Variants in DDX23 observed in about 807,000 individuals in gnomAD.
DDX23 encodes the protein probable ATP-dependent RNA helicase DDX23.
A neutral mutation model predicts 102.7 loss-of-function variants in DDX23; 33 were observed. The observed-to-expected ratio is 0.32, with a 90% confidence interval of 0.24 to 0.43. The LOEUF is 0.43. Among genes scored for constraint, DDX23 ranks in the 20% least tolerant of loss-of-function variants. The pLI is 1.00. For missense variants in DDX23, 549 were observed against 1,086.6 expected, an observed-to-expected ratio of 0.51 and a Z score of 6.96; for synonymous variants, 352 against 376.0, an observed-to-expected ratio of 0.94 and a Z score of 0.74.
Position 48,839,885 on chromosome 12 carries a change from G to C in DDX23, c.439C>G (p.Leu147Val). 1 of 1,614,206 alleles carries C rather than the reference G, an allele frequency of 6.2e-7. No homozygotes were observed. Among genetic ancestry groups the C allele is most frequent in the Non-Finnish European group, 8.5e-7 (1 of 1,180,032 alleles). The change falls in exon 5 of 17, where the codon CTT (leucine) becomes GTT (valine). Residue 147 changes from leucine to valine, a missense_variant. This residue lies in a region of DDX23 where 241 missense variants were observed against 267.0 expected (regional missense o/e 0.90). Transcript: ENST00000308025. ...PKAQPLSLEE[L>V]LAKKKAEEEA... ...TCCTCAGCCTTTTTCTTGGCCAGAA[G>C]CTCCTCCAGGGATAATGGCTGGGCC...
intron 11 of DDX23, among the ~76,000 whole-genome samples, chr12:48,835,566 C>T (rs1438044795): frequency 6.6e-6 from 1 of 151,972 alleles, no homozygotes; most frequent in Middle Eastern, 3.4e-3. Context: ...AAAAATTAGC[C>T]GGGCATGGTG....
At chr12:48,849,454 G>C (rs1938723124) in intron 1 of DDX23, among the ~76,000 whole-genome samples, 1 of 151,952 alleles carries the variant, frequency 6.6e-6, no homozygotes, top group African/African-American at 2.4e-5. Context: ...ATGAGGTCAG[G>C]AGTTCGAGAC....
At position 48,830,311 on chromosome 12, in the gene DDX23, A is replaced by G. The variant is rs2137478816; in HGVS notation, c.*158T>C. 1.1e-6 allele frequency: 1 copy of G among 889,844 alleles called. No individual in the cohort carries two copies. Among genetic ancestry groups the G allele is most frequent in the Non-Finnish European group, 1.8e-6 (1 of 550,542 alleles). The allele number at this position is 889,844 out of a possible 1,614,324, so 55.1% of individuals were successfully genotyped here. On this transcript the variant is annotated 3_prime_UTR_variant, in exon 17 of 17. Coordinates refer to ENST00000308025, the MANE Select transcript of DDX23 (RefSeq NM_004818.3). The surrounding 1 kb of genome is among the most constrained non-coding windows in gnomAD (Gnocchi z 4.9). Reference sequence around the variant, plus strand: ...CCTCTCCTTTTGCAGCCCCACACGCAGGCCTCCTGACCTGAGGGTCTGGGC... The same window carrying G: ...CCTCTCCTTTTGCAGCCCCACACGCGGGCCTCCTGACCTGAGGGTCTGGGC...
intron 1 of DDX23, among the ~76,000 whole-genome samples, chr12:48,848,622 TCACG>T (rs1938708317): frequency 6.6e-6 from 1 of 152,168 alleles, no homozygotes; most frequent in Non-Finnish European, 1.5e-5. Context: ...TCTCACCCTC[TCACG>T]CAAGATGGAG....
intron 3 of DDX23, among the ~76,000 whole-genome samples, chr12:48,842,504 G>T (rs1276301917): frequency 7.1e-6 from 1 of 141,678 alleles, no homozygotes; most frequent in African/African-American, 2.7e-5. Context: ...AGGTGGGGGG[G>T]TCAGCCCCCC....
At position 48,837,057 on chromosome 12, in the gene DDX23, A is replaced by T. The variant is rs767759190; in HGVS notation, c.867-20T>A. ...TTGTACCTGGGATTGAGATAGAGGAAAAGAAAAAAGAAGGAGCTGTTAACG... is the reference window on the plus strand; with the variant it reads ...TTGTACCTGGGATTGAGATAGAGGATAAGAAAAAAGAAGGAGCTGTTAACG... On this transcript the variant is annotated intron_variant, in intron 8 of 16. Coordinates refer to ENST00000308025, the MANE Select transcript of DDX23 (RefSeq NM_004818.3). 12 of 1,613,202 alleles carry T rather than the reference A, an allele frequency of 7.4e-6. No homozygotes were observed. The highest frequency in any genetic ancestry group is 1.0e-5 in the Non-Finnish European group (12 of 1,179,822).
rs1466297873 is a variant in DDX23, at chr12:48,840,067, C to T, written c.360G>A (p.Lys120=). ...PGRGKDFKSR[K]DRDSKKDEED... The stretch of plus-strand genomic sequence containing the variant: ...CTTCATCCTTCTTAGAGTCTCTGTC[C>T]TTCCGAGATTTAAAGTCTTTTCCTC... The change falls in exon 4 of 17, where the codon AAG becomes AAA. Residue 120 remains lysine (K), a synonymous_variant. Coordinates refer to ENST00000308025, the MANE Select transcript of DDX23 (RefSeq NM_004818.3). 1.9e-6 allele frequency: 3 copies of T among 1,614,140 alleles called. No individual in the cohort carries two copies. In the African/African-American group the frequency reaches 4.0e-5, roughly 22 times the overall value.
In DDX23 at chr12:48,845,730, T is replaced by C. The variant is rs761435008; in HGVS notation, c.53A>G (p.Glu18Gly). The change falls in exon 2 of 17, where the codon GAG becomes GGG. Residue 18 changes from glutamate to glycine, a missense_variant. Glu to Gly is a moderately conservative substitution (Grantham distance 98, BLOSUM62 -2). Around this residue, in one of 4 missense-constraint regions of DDX23, gnomAD observed 241 missense variants for 267.0 expected, o/e 0.90. Coordinates refer to ENST00000308025, the MANE Select transcript of DDX23 (RefSeq NM_004818.3). ...KKDRDASPSK[E>G]ERKRSRTPDR... ...AGGAGTCCGTGATCGCTTCCTTTCC[T>C]CCTTGGAAGGTGATGCATCACGGTC... 1.5e-5 allele frequency: 25 copies of C among 1,614,194 alleles called. 2 individuals are homozygous for C. In the South Asian group the frequency reaches 2.7e-4, roughly 18 times the overall value.
At chr12:48,839,783 C>T in intron 5 of DDX23, 61 bp downstream of exon 5, 1 of 1,548,094 alleles carries the variant, frequency 6.5e-7, no homozygotes, top group South Asian at 1.1e-5. Context: ...TGAAGTCACC[C>T]AGTCTGTGGT....
chr12:48,839,764 TTC>T, intron 5 of DDX23, 78 bp downstream of exon 5: 1 of 1,433,342 alleles, frequency 7.0e-7, no homozygotes, highest in Non-Finnish European at 9.7e-7. Flanking sequence ...GAAAATTAAC[TTC>T]TGTCGTTGAA....
At chr12:48,842,062 C>T (rs1283683189) in intron 3 of DDX23, among the ~76,000 whole-genome samples, 3 of 151,128 alleles carry the variant, frequency 2.0e-5, no homozygotes, top group Non-Finnish European at 4.4e-5. Flanking sequence ...GGAGCCCCTC[C>T]GCCCGGCAGC....
intron 5 of DDX23, among the ~76,000 whole-genome samples, chr12:48,838,642 G>A (rs1466499067): frequency 6.6e-6 from 1 of 151,592 alleles, no homozygotes; most frequent in African/African-American, 2.4e-5. Flanking sequence ...ACGAGGTCAG[G>A]AGTTCAAGAC....
chr12:48,831,091 A>G lies in DDX23; in HGVS notation c.2239+51T>C, dbSNP rs74498836. 4.8e-3 allele frequency: 7,743 copies of G among 1,604,586 alleles called. 317 individuals carry two copies. The African/African-American group carries it at 0.09, about 19-fold the overall frequency. ...GCACCCTGACTTCCAGTGGGACACC[A>G]TAAGGAATCTGACTTCACCCTGGAT... On this transcript the variant is annotated intron_variant, in intron 16 of 16. Transcript: ENST00000308025.
chr12:48,842,818 C>T (rs1938590752), intron 3 of DDX23, among the ~76,000 whole-genome samples: 2 of 152,198 alleles, frequency 1.3e-5, no homozygotes, highest in African/African-American at 2.4e-5. Flanking sequence ...TCATTGAGAA[C>T]GGACCATGAT....
At position 48,837,704 on chromosome 12, in the gene DDX23, AGAG is replaced by A. The variant is rs772650711; in HGVS notation, c.620-50_620-48del. The A allele has an allele frequency of 1.9e-6, 3 of 1,609,976 alleles. No homozygotes were observed. In the South Asian group the frequency reaches 3.3e-5, roughly 18 times the overall value. Reference sequence around the variant, plus strand: ...GCTGCAGAAGAGCTCATGGAAGAAAAGAGGAGAGGGAATGGAGGGAATCCAGAC... The same window carrying A: ...GCTGCAGAAGAGCTCATGGAAGAAAAGAGAGGGAATGGAGGGAATCCAGAC... On this transcript the variant is annotated intron_variant, in intron 6 of 16. Transcript: ENST00000308025.
Position 48,843,407 on chromosome 12 carries a change from G to A in DDX23, c.320+533C>T, listed in dbSNP as rs549235380. ...TAAGCCTGGGGGAGTCAAGGCTGCA[G>A]TAAGTTGTGATCACACCACTGCACT... is the stretch of plus-strand genomic sequence containing the variant. On this transcript the variant is annotated intron_variant, in intron 3 of 16. Coordinates refer to ENST00000308025, the MANE Select transcript of DDX23 (RefSeq NM_004818.3). Among the ~76,000 whole-genome samples the A allele has an allele frequency of 8.4e-4, 128 of 151,880 alleles. 1 individual carries two copies. Among genetic ancestry groups the A allele is most frequent in the African/African-American group, 3.0e-3 (126 of 41,484 alleles).
chr12:48,838,025 T>C lies in DDX23; in HGVS notation c.536A>G (p.Gln179Arg). 1.2e-6 allele frequency: 2 copies of C among 1,614,232 alleles called. No homozygotes were observed. Among genetic ancestry groups the C allele is most frequent in the Non-Finnish European group, 8.5e-7 (1 of 1,180,048 alleles). ...REAEALKRRQ[Q>R]EVEERQRMLE... ...CATCCTCTGCCGCTCTTCCACCTCC[T>C]GCTGCCGTCGCTTTAGAGCTTCAGC... is the stretch of plus-strand genomic sequence containing the variant. Residue 179 changes from glutamine to arginine, a missense_variant, in exon 6 of 17, where the codon CAG (glutamine) becomes CGG (arginine). By Grantham distance (43) the Gln-to-Arg change is conservative. This residue lies in a region of DDX23 where 241 missense variants were observed against 267.0 expected (regional missense o/e 0.90). Transcript: ENST00000308025.
At chr12:48,831,710 G>T in intron 15 of DDX23, 1 of 429,384 alleles carries the variant, frequency 2.3e-6, no homozygotes, top group Non-Finnish European at 4.2e-6. Flanking sequence ...CAGGAGTAAA[G>T]GACACTGATT....
At chr12:48,843,901 G>C (rs369495744) in intron 3 of DDX23, 39 bp downstream of exon 3, 210 of 1,601,862 alleles carry the variant, frequency 1.3e-4, no homozygotes, top group Non-Finnish European at 1.6e-4. Context: ...GAAGAAATGG[G>C]AGCATTCCCC....
Sources: gnomAD v4.1 joint callset for allele counts (sites outside exome capture counted in the v4.1 genomes callset) on GRCh38, gnomAD v4.1.1 for gene constraint, gnomAD v4.1.1 regional missense constraint, Gnocchi (gnomAD v3.1) non-coding constraint, MANE v1.5 for transcripts, NCBI Gene and HGNC (gene_info 2026-07-23, HGNC 2026-07-21) for gene names.